Variants in DUSP29 observed in about 807,000 individuals in gnomAD.
The protein encoded by DUSP29 is atypical dual-specific protein phosphatase.
In DUSP29, 12 loss-of-function variants were observed where a neutral mutation model predicts 13.5. The observed-to-expected ratio is 0.89, with a 90% confidence interval of 0.57 to 1.44. The LOEUF is 1.44. DUSP29 is among the 40% of genes most tolerant of loss of function. The pLI is 0.00. For synonymous variants in DUSP29, 134 were observed against 128.7 expected, an observed-to-expected ratio of 1.04 and a Z score of -0.28; for missense variants, 308 against 301.1, an observed-to-expected ratio of 1.02 and a Z score of -0.17.
At chr10:75,071,771 G>C (rs182727917) in intron 1 of DUSP29, among the ~76,000 whole-genome samples, 2 of 152,104 alleles carry the variant, frequency 1.3e-5, no homozygotes, top group Non-Finnish European at 2.9e-5. Flanking sequence ...TCCTGCCTTC[G>C]CACCCAAATG....
At chr10:75,038,129 G>A in intron 3 of DUSP29, 52 bp from the exon 4 acceptor site, 1 of 1,574,756 alleles carries the variant, frequency 6.4e-7, no homozygotes, top group Non-Finnish European at 8.6e-7. Context: ...AGGTGTTGGG[G>A]GCACAGGTAG....
chr10:75,068,819 G>C (rs527975834), intron 1 of DUSP29, among the ~76,000 whole-genome samples: 3 of 152,124 alleles, frequency 2.0e-5, no homozygotes, highest in Non-Finnish European at 4.4e-5. Flanking sequence ...TTGTCTTTAC[G>C]CATTTTAGAT....
intron 1 of DUSP29, among the ~76,000 whole-genome samples, chr10:75,064,044 A>G (rs1328515486): frequency 6.6e-6 from 1 of 151,712 alleles, no homozygotes; most frequent in African/African-American, 2.4e-5. Flanking sequence ...CTCAGACTCT[A>G]GTTCAGACTT....
At chr10:75,071,167 C>T (rs1455332626) in intron 1 of DUSP29, among the ~76,000 whole-genome samples, 2 of 152,244 alleles carry the variant, frequency 1.3e-5, no homozygotes, top group Non-Finnish European at 2.9e-5. Context: ...TGACCTTGGG[C>T]AGAACACTTA....
chr10:75,043,803 C>A lies in DUSP29; in HGVS notation c.415G>T (p.Asp139Tyr). Residue 139 changes from aspartate to tyrosine, a missense_variant, in exon 3 of 4, where the codon GAC becomes TAC. Transcript: ENST00000338487. The stretch of plus-strand genomic sequence containing the variant: ...GGGGCCGCGGGTCTCTTACTGTGGT[C>A]GTCGCTTAGCGCTCTGTCGATGAAG... ...AAFIDRALSD[D>Y]HSKILVHCVM... is the part of the protein sequence containing the mutation. The A allele has an allele frequency of 1.2e-6, 2 of 1,612,558 alleles. No individual in the cohort carries two copies. Among genetic ancestry groups the A allele is most frequent in the Non-Finnish European group, 1.7e-6 (2 of 1,179,832 alleles).
At chr10:75,051,466 G>A (rs1448803940) in intron 2 of DUSP29, among the ~76,000 whole-genome samples, 1 of 152,234 alleles carries the variant, frequency 6.6e-6, no homozygotes, top group African/African-American at 2.4e-5. Flanking sequence ...TGGACCCAGA[G>A]CAGATGCTTG....
In DUSP29 at chr10:75,041,314, T is replaced by C. The variant is rs973123547; in HGVS notation, c.421+2483A>G. ...CAACCTGATGGCCATTGGGTTGCTT[T>C]AGTCTGTCCTTTGCAGCATTTTAAG... is the stretch of plus-strand genomic sequence containing the variant. On this transcript the variant is annotated intron_variant, in intron 3 of 3. Coordinates refer to ENST00000338487, the MANE Select transcript of DUSP29 (RefSeq NM_001003892.3). 2.6e-5 allele frequency among the ~76,000 whole-genome samples: 4 copies of C among 152,308 alleles called. No individual in the cohort carries two copies. In the East Asian group the frequency reaches 7.7e-4, roughly 29 times the overall value.
At chr10:75,062,743 T>G (rs191463666) in intron 1 of DUSP29, among the ~76,000 whole-genome samples, 1 of 152,196 alleles carries the variant, frequency 6.6e-6, no homozygotes, top group East Asian at 1.9e-4. Flanking sequence ...ACAGCCAACA[T>G]GGAAGGGAAG....
chr10:75,063,402 T>C lies in DUSP29; in HGVS notation c.-34-4854A>G, dbSNP rs368994693. On this transcript the variant is annotated intron_variant, in intron 1 of 3. Coordinates refer to ENST00000338487, the MANE Select transcript of DUSP29 (RefSeq NM_001003892.3). ...TTATATACATAAAAGCCTTCCTACC[T>C]CAGATGCCTGTTTTCCTGCTTGAGG... 4.2e-3 allele frequency among the ~76,000 whole-genome samples: 642 copies of C among 152,116 alleles called. 4 individuals are homozygous for C. The highest frequency in any genetic ancestry group is 0.015 in the African/African-American group (622 of 41,470).
intron 1 of DUSP29, among the ~76,000 whole-genome samples, chr10:75,067,095 G>A (rs913763986): frequency 6.6e-6 from 1 of 151,150 alleles, no homozygotes; most frequent in Non-Finnish European, 1.5e-5. Context: ...AAGCAGACAC[G>A]ACTACAGGTG....
rs947794838 is a variant in DUSP29, at chr10:75,038,072, T to C, written c.427A>G (p.Ile143Val). The C allele has an allele frequency of 1.9e-6, 3 of 1,612,234 alleles. No homozygotes were observed. The highest frequency in any genetic ancestry group is 2.7e-5 in the African/African-American group (2 of 74,822). ...CGGCCCATGACGCAGTGAACCAGGATCTTACCTGCAGATGGAGCAGGGAGG... is the reference window on the plus strand; with the variant it reads ...CGGCCCATGACGCAGTGAACCAGGACCTTACCTGCAGATGGAGCAGGGAGG... ...DRALSDDHSK[I>V]LVHCVMGRSR... The change falls in exon 4 of 4, where the codon ATC becomes GTC. Residue 143 changes from isoleucine (I) to valine (V), a missense_variant. Physicochemically the swap from Ile to Val is conservative, Grantham distance 29. Transcript: ENST00000338487.
chr10:75,072,403 C>T (rs1371098720), intron 1 of DUSP29, among the ~76,000 whole-genome samples: 4 of 152,136 alleles, frequency 2.6e-5, no homozygotes, highest in East Asian at 1.9e-4. Flanking sequence ...ACACCCCCGT[C>T]GCATGCCCTG....
chr10:75,040,677 G>T (rs978357099), intron 3 of DUSP29, among the ~76,000 whole-genome samples: 3 of 152,192 alleles, frequency 2.0e-5, no homozygotes, highest in Admixed American at 6.5e-5. Flanking sequence ...GTGACAGAAG[G>T]AATCCCCGCT....
chr10:75,064,982 G>C (rs187424700), intron 1 of DUSP29, among the ~76,000 whole-genome samples: 2 of 152,054 alleles, frequency 1.3e-5, no homozygotes, highest in Non-Finnish European at 2.9e-5. Context: ...TTGGCAGGAA[G>C]CTGCTTGTGA....
At chr10:75,039,194 T>C (rs138181444) in intron 3 of DUSP29, among the ~76,000 whole-genome samples, 14 of 152,172 alleles carry the variant, frequency 9.2e-5, no homozygotes, top group Non-Finnish European at 1.9e-4. Context: ...CTTTTCTTCA[T>C]GACTACAGTC....
chr10:75,064,872 C>A (rs1847163451), intron 1 of DUSP29, among the ~76,000 whole-genome samples: 1 of 151,496 alleles, frequency 6.6e-6, no homozygotes, highest in African/African-American at 2.4e-5. Flanking sequence ...GTGACTTTTT[C>A]TTCTGTTTCC....
intron 2 of DUSP29, among the ~76,000 whole-genome samples, chr10:75,056,982 A>C (rs1846974366): frequency 6.6e-6 from 1 of 152,190 alleles, no homozygotes; most frequent in South Asian, 2.1e-4. Context: ...ATATGTATTA[A>C]AATCACATAT....
chr10:75,050,629 C>T (rs541001133), intron 2 of DUSP29, among the ~76,000 whole-genome samples: 1 of 152,368 alleles, frequency 6.6e-6, no homozygotes, highest in South Asian at 2.1e-4. Context: ...AGTTGGTGGC[C>T]ACCCACACAC....
In DUSP29 at chr10:75,060,736, A is replaced by G. The variant is rs749679948; in HGVS notation, c.-34-2188T>C. ...AGCATAAACTGCCAGCCACGTATGA[A>G]TAAGAAGAGATGGTCAGACATCATA... On this transcript the variant is annotated intron_variant, in intron 1 of 3. Transcript: ENST00000338487. Among the ~76,000 whole-genome samples the G allele has an allele frequency of 5.9e-5, 9 of 152,300 alleles. 1 individual carries two copies. The highest frequency in any genetic ancestry group is 3.9e-4 in the Admixed American group (6 of 15,296).
Sources: gnomAD v4.1 joint callset for allele counts (sites outside exome capture counted in the v4.1 genomes callset) on GRCh38, gnomAD v4.1.1 for gene constraint, MANE v1.5 for transcripts, NCBI Gene and HGNC (gene_info 2026-07-23, HGNC 2026-07-21) for gene names.